The following SLC47A2 variants were observed in gnomAD, a reference collection of about 807,000 sequenced individuals.
The protein encoded by SLC47A2 is multidrug and toxin extrusion protein 2.
SLC47A2 carries 52 observed loss-of-function variants against 67.7 expected under a neutral mutation model. The ratio of observed to expected loss-of-function variants is 0.77; its 90% confidence interval spans 0.61 to 0.97. The LOEUF (loss-of-function observed/expected upper bound fraction) is 0.97, where lower values mean the gene tolerates loss of function less well. Ranked by LOEUF, SLC47A2 falls within the 50% of genes least tolerant of loss-of-function variation. The pLI is 0.00. For missense variants in SLC47A2, 676 were observed against 712.3 expected (o/e 0.95, Z 0.58); for synonymous variants, 278 against 292.9 (o/e 0.95, Z 0.52).
At chr17:19,694,522 G>T (rs1462369941) in intron 13 of SLC47A2, among the ~76,000 whole-genome samples, 1 of 152,166 alleles carries the variant, frequency 6.6e-6, no homozygotes, top group Non-Finnish European at 1.5e-5. Context: ...CTGGAGAAAT[G>T]AGTCTTTCAT....
At chr17:19,709,366 A>G (rs1302740859) in intron 5 of SLC47A2, among the ~76,000 whole-genome samples, 1 of 152,200 alleles carries the variant, frequency 6.6e-6, no homozygotes, top group Non-Finnish European at 1.5e-5. Context: ...CTTAAGGGGA[A>G]TAGAATAGGC....
At chr17:19,695,514 G>GAAAAAAAAAAAAAAAAAAA (rs1491229920) in intron 13 of SLC47A2, among the ~76,000 whole-genome samples, 1 of 55,544 alleles carries the variant, frequency 1.8e-5, no homozygotes, top group Non-Finnish European at 3.5e-5. Flanking sequence ...AAAAAAAACA[G>GAAAAAAAAAAAAAAAAAAA]CAAAAAAAAA....
upstream of SLC47A2, chr17:19,717,470 G>A (rs2086291391): frequency 6.6e-6 from 1 of 152,480 alleles, no homozygotes; most frequent in Admixed American, 6.5e-5. Context: ...ACCTAGCCCA[G>A]TCCTGGATCA....
chr17:19,712,433 G>T (rs896334713), intron 5 of SLC47A2, among the ~76,000 whole-genome samples: 1 of 152,178 alleles, frequency 6.6e-6, no homozygotes, highest in Non-Finnish European at 1.5e-5. Context: ...TGTTCTCTCT[G>T]GGTGGTAGAA....
intron 13 of SLC47A2, among the ~76,000 whole-genome samples, chr17:19,694,838 C>A (rs1246865109): frequency 1.3e-5 from 2 of 151,556 alleles, no homozygotes; most frequent in Non-Finnish European, 2.9e-5. Flanking sequence ...ATCGCTTGAA[C>A]CCGGGAGGCA....
In SLC47A2 at chr17:19,704,070, C is replaced by T. The variant is rs762821554; in HGVS notation, c.1018G>A (p.Val340Ile). 1 of 1,605,806 alleles carries T rather than the reference C, an allele frequency of 6.2e-7. No individual in the cohort carries two copies. The highest frequency in any genetic ancestry group is 8.5e-7 in the Non-Finnish European group (1 of 1,177,970). The change falls in exon 11 of 17, where the codon GTT becomes ATT. Residue 340 changes from valine to isoleucine, a missense_variant and splice_region_variant. By Grantham distance (29) the Val-to-Ile change is conservative. Coordinates refer to ENST00000433844, the MANE Select transcript of SLC47A2 (RefSeq NM_001099646.3). ...RSAVSGVLSIVGISLVLGTLI... is the reference protein window; with the variant it reads ...RSAVSGVLSIIGISLVLGTLI... ...CCCACCAGGAGAGGACTCCACCTACCTATGCTGAGCACGCCCGAGACGGCC... is the reference window on the plus strand; with the variant it reads ...CCCACCAGGAGAGGACTCCACCTACTTATGCTGAGCACGCCCGAGACGGCC...
At chr17:19,716,347 A>G (rs914011964) in intron 1 of SLC47A2, 86 bp downstream of exon 1, 45 of 1,481,574 alleles carry the variant, frequency 3.0e-5, no homozygotes, top group South Asian at 8.4e-5. Flanking sequence ...ATGTGAGCAC[A>G]TTTCTGGATC....
chr17:19,714,990 G>A, intron 2 of SLC47A2, 126 bp downstream of exon 2: 1 of 1,280,710 alleles, frequency 7.8e-7, no homozygotes, highest in Non-Finnish European at 1.1e-6. Context: ...TGTGAAGGCA[G>A]CTGTCCAGCC....
chr17:19,699,058 C>T (rs1405106039), intron 13 of SLC47A2, among the ~76,000 whole-genome samples: 1 of 152,010 alleles, frequency 6.6e-6, no homozygotes, highest in African/African-American at 2.4e-5. Flanking sequence ...CCCAAGGATA[C>T]CTAGGAATGA....
chr17:19,678,793 T>G lies in SLC47A2; in HGVS notation c.1594A>C (p.Arg532=). Residue 532 remains arginine (R), a synonymous_variant, in exon 17 of 17, where the codon AGA becomes CGA. Coordinates refer to ENST00000433844, the MANE Select transcript of SLC47A2 (RefSeq NM_001099646.3). ...EAHALSAPTS[R]LSVKQLVIRR... ...ATGACCAGCTGTTTCACTGATAGTC[T>G]GCTGGTAGGAGCTGAAAGGGCGTGG... is the stretch of plus-strand genomic sequence containing the variant. 6.2e-7 allele frequency: 1 copy of G among 1,614,244 alleles called. No homozygotes were observed. The highest frequency in any genetic ancestry group is 8.5e-7 in the Non-Finnish European group (1 of 1,180,040).
upstream of SLC47A2, chr17:19,716,811 G>A: frequency 4.1e-6 from 2 of 485,894 alleles, no homozygotes; most frequent in East Asian, 7.2e-5. Context: ...TGCCTGTTGT[G>A]TCTGGTCTCC....
At chr17:19,695,515 C>CAAAAAAAAAA (rs201305334) in intron 13 of SLC47A2, among the ~76,000 whole-genome samples, 2 of 91,406 alleles carry the variant, frequency 2.2e-5, no homozygotes, top group Admixed American at 1.2e-4. Context: ...AAAAAAACAG[C>CAAAAAAAAAA]AAAAAAAAAA....
rs1261409604 is a variant in SLC47A2, at chr17:19,704,910, C to T, written c.909+526G>A. On this transcript the variant is annotated intron_variant, in intron 10 of 16. Coordinates refer to ENST00000433844, the MANE Select transcript of SLC47A2 (RefSeq NM_001099646.3). ...GCACGATCTCGGCTCACTGCAACCT[C>T]CGCCTCCCGGGTTCAAGTGATTCTT... 4 of 442,108 alleles carry T rather than the reference C, an allele frequency of 9.0e-6. No individual in the cohort carries two copies. The East Asian group carries it at 1.4e-4, about 16-fold the overall frequency. The allele number at this position is 442,108 out of a possible 1,614,324, so 27.4% of individuals were successfully genotyped here.
intron 1 of SLC47A2, 153 bp downstream of exon 1, chr17:19,716,280 A>G (rs1028306348): frequency 3.2e-6 from 4 of 1,245,692 alleles, no homozygotes; most frequent in Non-Finnish European, 4.4e-6. Flanking sequence ...TTCAGGAGCC[A>G]TCCTGCTGTC....
chr17:19,706,800 C>T (rs182119578), intron 8 of SLC47A2, 39 bp from the exon 9 acceptor site: 3 of 1,504,340 alleles, frequency 2.0e-6, no homozygotes, highest in Admixed American at 3.8e-5. Context: ...GCCTGCCCTG[C>T]TTGCCCACCT....
chr17:19,706,871 CT>C, intron 8 of SLC47A2, 110 bp from the exon 9 acceptor site: 1 of 749,096 alleles, frequency 1.3e-6, no homozygotes, highest in Non-Finnish European at 2.1e-6. Flanking sequence ...TGCTCTGGGG[CT>C]TAGCAGGCTC....
intron 5 of SLC47A2, among the ~76,000 whole-genome samples, 174 bp from the exon 6 acceptor site, chr17:19,708,934 T>C (rs2086022461): frequency 1.3e-5 from 2 of 152,220 alleles, no homozygotes; most frequent in South Asian, 2.1e-4. Context: ...CCTGGACTCA[T>C]GCTCGGGCCC....
At chr17:19,681,214 C>A (rs145318371) in intron 15 of SLC47A2, among the ~76,000 whole-genome samples, 153 bp downstream of exon 15, 3,330 of 151,164 alleles carry the variant, frequency 0.022, 71 homozygotes, top group African/African-American at 0.052. Context: ...CTCCATCTCA[C>A]AAACAAACAA....
intron 9 of SLC47A2, among the ~76,000 whole-genome samples, chr17:19,705,965 A>G (rs1197576291): frequency 6.6e-6 from 1 of 152,136 alleles, no homozygotes; most frequent in Non-Finnish European, 1.5e-5. Flanking sequence ...TCAGCCTGTT[A>G]GGAAAATTCT....
Sources: gnomAD v4.1 joint callset for allele counts (sites outside exome capture counted in the v4.1 genomes callset) on GRCh38, gnomAD v4.1.1 for gene constraint, MANE v1.5 for transcripts, NCBI Gene and HGNC (gene_info 2026-07-23, HGNC 2026-07-21) for gene names.